SYPL2: variants seen among roughly 807,000 people sequenced by gnomAD.
SYPL2 encodes the protein synaptophysin like 2, also known as synaptophysin-like protein 2.
A neutral mutation model predicts 31.3 loss-of-function variants in SYPL2; 24 were observed. The observed-to-expected ratio is 0.77, with a 90% CI of 0.56 to 1.08. SYPL2 has a LOEUF of 1.08. Ranked by LOEUF, SYPL2 falls within the 50% of genes least tolerant of loss-of-function variation. The pLI is 0.00. For synonymous variants in SYPL2, 144 were observed against 143.1 expected (o/e 1.01, Z -0.05); for missense variants, 342 against 360.1 (o/e 0.95, Z 0.41).
chr1:109,473,201 A>G (rs998100696), intron 2 of SYPL2, among the ~76,000 whole-genome samples: 3 of 152,214 alleles, frequency 2.0e-5, no homozygotes, highest in Non-Finnish European at 2.9e-5. Flanking sequence ...AGAGGCTTCG[A>G]GTGACTCTTC....
chr1:109,475,369 C>T, intron 2 of SYPL2: 1 of 587,216 alleles, frequency 1.7e-6, no homozygotes, highest in Non-Finnish European at 2.9e-6. Context: ...CTCAGTCAAC[C>T]TTGTATTCAT....
At position 109,476,765 on chromosome 1, in the gene SYPL2, G is replaced by A; in HGVS notation, c.255-11G>A. The A allele has an allele frequency of 1.9e-6, 3 of 1,613,390 alleles. No homozygotes were observed. The highest frequency in any genetic ancestry group is 1.7e-6 in the Non-Finnish European group (2 of 1,179,826). ...GCCTGAGCTCAGGATGGCCTCCCCT[G>A]CCACCTGCAGGTTGCACCGGATCCA... On this transcript the variant is annotated splice_polypyrimidine_tract_variant and intron_variant, in intron 3 of 5. Coordinates refer to ENST00000369872, the MANE Select transcript of SYPL2 (RefSeq NM_001040709.2).
chr1:109,479,301 T>C, intron 5 of SYPL2, 77 bp from the exon 6 acceptor site: 2 of 1,528,366 alleles, frequency 1.3e-6, no homozygotes, highest in Non-Finnish European at 1.8e-6. Context: ...CAACCCCAAC[T>C]GCAATAGGAA....
In SYPL2 at chr1:109,472,595, T is replaced by C. The variant is rs913315993; in HGVS notation, c.130-2986T>C. ...CCCCAAGTTTTGAGTACCTACTTTC[T>C]TTTTCTTTACTTTTTTTTTTTTTTT... is the stretch of plus-strand genomic sequence containing the variant. On this transcript the variant is annotated intron_variant, in intron 2 of 5. Transcript: ENST00000369872. 1.1e-4 allele frequency among the ~76,000 whole-genome samples: 17 copies of C among 147,992 alleles called. No individual in the cohort carries two copies. The South Asian group carries it at 3.4e-3, about 30-fold the overall frequency.
chr1:109,469,600 TG>T (rs148647664), intron 2 of SYPL2, among the ~76,000 whole-genome samples: 1 of 151,510 alleles, frequency 6.6e-6, no homozygotes, highest in Non-Finnish European at 1.5e-5. Context: ...AGACACACTT[TG>T]GGAGGCTGAG....
chr1:109,468,403 G>C (rs1303542155), intron 2 of SYPL2, among the ~76,000 whole-genome samples: 3 of 152,170 alleles, frequency 2.0e-5, no homozygotes, highest in African/African-American at 4.8e-5. Context: ...AGTGCATTTG[G>C]GATTATCGGG....
rs1656139605 is a variant in SYPL2 at position 109,480,809 on chromosome 1, G to C, written c.*1261G>C. The C allele has an allele frequency of 6.6e-6, 1 of 152,656 alleles. No homozygotes were observed. Among genetic ancestry groups the C allele is most frequent in the Non-Finnish European group, 1.5e-5 (1 of 68,096 alleles). 9.5% of individuals were successfully genotyped at this position (152,656 alleles called of 1,614,324 possible). A position where few individuals can be genotyped will look rare whatever the true frequency, so the allele number is the denominator to read the frequency against. ...GATGCTATTGGTGCTTCTTCACTTT[G>C]GGACCCAGTTCCATATTTGTCTTTA... On this transcript the variant is annotated 3_prime_UTR_variant, in exon 6 of 6. Coordinates refer to ENST00000369872, the MANE Select transcript of SYPL2 (RefSeq NM_001040709.2).
At chr1:109,474,346 T>C (rs1049044096) in intron 2 of SYPL2, among the ~76,000 whole-genome samples, 2 of 137,056 alleles carry the variant, frequency 1.5e-5, no homozygotes, top group East Asian at 4.1e-4. Context: ...TTTTTGGCGG[T>C]GGGCGGGAGA....
rs989241119 is a variant in SYPL2 at position 109,467,107 on chromosome 1, C to A, written c.103C>A (p.Leu35Met). ...GLRWRRLEEP[L>M]GFIKVLQWLF... ...GCGCTGGCGGCGGCTGGAGGAGCCG[C>A]TGGGCTTCATCAAAGTTCTCCAGTG... Residue 35 changes from leucine to methionine, a missense_variant, in exon 2 of 6, where the codon CTG becomes ATG. Leu to Met is a conservative substitution (Grantham distance 15). Transcript: ENST00000369872. 1.0e-5 allele frequency: 16 copies of A among 1,544,634 alleles called. No homozygotes were observed. Among genetic ancestry groups the A allele is most frequent in the Non-Finnish European group, 1.2e-5 (14 of 1,145,942 alleles).
At position 109,479,610 on chromosome 1, in the gene SYPL2, A is replaced by G; in HGVS notation, c.*62A>G. 6.4e-7 allele frequency: 1 copy of G among 1,565,344 alleles called. No homozygotes were observed. Among genetic ancestry groups the G allele is most frequent in the East Asian group, 2.3e-5 (1 of 43,896 alleles). ...ACCTCTTCAACCACCTCCGGCTTCC[A>G]GGACCTTTCTCTTCCTCCTCCTCCA... On this transcript the variant is annotated 3_prime_UTR_variant, in exon 6 of 6. Coordinates refer to ENST00000369872, the MANE Select transcript of SYPL2 (RefSeq NM_001040709.2).
In SYPL2 at chr1:109,476,904, A is replaced by G. The variant is rs201398995; in HGVS notation, c.383A>G (p.Tyr128Cys). ...ACCCTTGGCATCTTTTCCTTCTTCT[A>G]TACCATGGCTGCCCTAGTTATCTAC... is the stretch of plus-strand genomic sequence containing the variant. ...FVTLGIFSFF[Y>C]TMAALVIYLR... The change falls in exon 4 of 6, where the codon TAT becomes TGT. Residue 128 changes from tyrosine to cysteine, a missense_variant. Transcript: ENST00000369872. The G allele has an allele frequency of 2.5e-6, 4 of 1,614,204 alleles. No homozygotes were observed. Among genetic ancestry groups the G allele is most frequent in the African/African-American group, 1.3e-5 (1 of 75,054 alleles).
intron 2 of SYPL2, among the ~76,000 whole-genome samples, chr1:109,474,144 G>A (rs2101003306): frequency 6.6e-6 from 1 of 152,288 alleles, no homozygotes; most frequent in Admixed American, 6.5e-5. Flanking sequence ...AAGACACTGA[G>A]TCTCGAAGAA....
At chr1:109,476,673 G>T in intron 3 of SYPL2, 103 bp from the exon 4 acceptor site, 1 of 1,206,680 alleles carries the variant, frequency 8.3e-7, no homozygotes, top group Non-Finnish European at 1.2e-6. Flanking sequence ...CCCCTTTCTT[G>T]GCTCTGTAAG....
At chr1:109,477,106 A>G in intron 4 of SYPL2, 129 bp downstream of exon 4, 9 of 1,090,024 alleles carry the variant, frequency 8.3e-6, no homozygotes, top group Non-Finnish European at 9.3e-6. Context: ...GCCTCCATCA[A>G]CCTCCCGTTG....
intron 2 of SYPL2, among the ~76,000 whole-genome samples, chr1:109,472,494 C>T (rs1205248449): frequency 6.6e-6 from 1 of 151,774 alleles, no homozygotes; most frequent in African/African-American, 2.4e-5. Flanking sequence ...TAAATTTTAT[C>T]TTTCTGTAGA....
At position 109,475,697 on chromosome 1, in the gene SYPL2, T is replaced by C. The variant is rs577930672; in HGVS notation, c.246T>C (p.Tyr82=). 1.2e-6 allele frequency: 2 copies of C among 1,613,878 alleles called. No individual in the cohort carries two copies. Among genetic ancestry groups the C allele is most frequent in the African/African-American group, 1.3e-5 (1 of 75,040 alleles). ...GCTCCATCATCGTTGCATTTGGCTATCCCTTCAGGTGAGCAAGAATTGGTT... is the reference window on the plus strand; with the variant it reads ...GCTCCATCATCGTTGCATTTGGCTACCCCTTCAGGTGAGCAAGAATTGGTT... ...DVSSIIVAFG[Y]PFRLHRIQYE... is the part of the protein sequence containing the mutation. The change falls in exon 3 of 6, where the codon TAT becomes TAC. Residue 82 remains tyrosine, a synonymous_variant. Coordinates refer to ENST00000369872, the MANE Select transcript of SYPL2 (RefSeq NM_001040709.2).
rs1456943223 is a variant in SYPL2 at position 109,466,769 on chromosome 1, C to T, written c.-75C>T. The stretch of plus-strand genomic sequence containing the variant: ...TCTGCCCCGGACCTGCAGCTCCCCG[C>T]TCCCCCGCCGTGTCCGCCGCCTCCC... On this transcript the variant is annotated 5_prime_UTR_variant, in exon 1 of 6. Transcript: ENST00000369872. The T allele has an allele frequency of 9.1e-6, 13 of 1,423,648 alleles. No homozygotes were observed. Among genetic ancestry groups the T allele is most frequent in the South Asian group, 8.6e-5 (6 of 70,028 alleles). 88.2% of individuals were successfully genotyped at this position (1,423,648 alleles called of 1,614,324 possible). A position where few individuals can be genotyped will look rare whatever the true frequency, so the allele number is the denominator to read the frequency against.
chr1:109,467,004 C>T, intron 1 of SYPL2, 55 bp from the exon 2 acceptor site: 1 of 1,528,756 alleles, frequency 6.5e-7, no homozygotes, highest in South Asian at 1.2e-5. Context: ...AGGGGACCAG[C>T]GCCTTCCCAG....
intron 3 of SYPL2, 144 bp from the exon 4 acceptor site, chr1:109,476,632 G>A: frequency 1.3e-6 from 1 of 781,510 alleles, no homozygotes; most frequent in Non-Finnish European, 2.0e-6. Flanking sequence ...TAACTGCAAG[G>A]TTCCTTCCAG....
Sources: gnomAD v4.1 joint callset for allele counts (sites outside exome capture counted in the v4.1 genomes callset) on GRCh38, gnomAD v4.1.1 for gene constraint, MANE v1.5 for transcripts, NCBI Gene and HGNC (gene_info 2026-07-23, HGNC 2026-07-21) for gene names.